The following ZNF66 variants were observed in gnomAD, a reference collection of about 807,000 sequenced individuals.
The protein encoded by ZNF66 is putative zinc finger protein 66.
A neutral mutation model predicts 35.2 loss-of-function variants in ZNF66; 32 were observed. The observed-to-expected ratio is 0.91, with a 90% CI of 0.69 to 1.22. The LOEUF (loss-of-function observed/expected upper bound fraction) is 1.22. Among genes scored for constraint, ZNF66 ranks in the 50% most tolerant of loss-of-function variants. ZNF66 has a pLI of 0.00. For missense variants in ZNF66, 666 were observed against 543.1 expected, an observed-to-expected ratio of 1.23 and a Z score of -2.25; for synonymous variants, 231 against 181.3, an observed-to-expected ratio of 1.27 and a Z score of -2.20.
chr19:20,777,484 A>T (rs981132605), intron 1 of ZNF66, among the ~76,000 whole-genome samples: 3 of 146,744 alleles, frequency 2.0e-5, no homozygotes, highest in Admixed American at 1.4e-4. Context: ...AGAAATAGAA[A>T]TCCGGGGACT....
chr19:20,781,524 T>C, intron 1 of ZNF66, among the ~76,000 whole-genome samples: 1 of 152,044 alleles, frequency 6.6e-6, no homozygotes, highest in African/African-American at 2.4e-5. Flanking sequence ...TTTTTTTTTT[T>C]TGGAGACGGA....
In ZNF66 at chr19:20,806,706, A is replaced by T. The variant is rs1041287608; in HGVS notation, c.1106A>T (p.Tyr369Phe). The T allele has an allele frequency of 7.6e-6, 11 of 1,453,294 alleles. No individual in the cohort carries two copies. The highest frequency in any genetic ancestry group is 9.7e-6 in the Non-Finnish European group (10 of 1,036,206). The allele number at this position is 1,453,294 out of a possible 1,614,324, so 90.0% of individuals were successfully genotyped here. A position where few individuals can be genotyped will look rare whatever the true frequency, so the allele number is the denominator to read the frequency against. Reference sequence around the variant, plus strand: ...ATAATCCATACTGGAGAGAAACCCTACAAATGTGAAGAATGTGGTGAAGCC... The same window carrying T: ...ATAATCCATACTGGAGAGAAACCCTTCAAATGTGAAGAATGTGGTGAAGCC... The part of the protein sequence containing the change: ...HKIIHTGEKP[Y>F]KCEECGEAFK... Residue 369 changes from tyrosine to phenylalanine, a missense_variant, in exon 4 of 4, where the codon TAC (tyrosine) becomes TTC (phenylalanine). Coordinates refer to ENST00000344519, the MANE Select transcript of ZNF66 (RefSeq NM_001355197.2).
Position 20,808,493 on chromosome 19 carries a change from T to C in ZNF66, c.*1171T>C, listed in dbSNP as rs652538. 0.093 allele frequency among the ~76,000 whole-genome samples: 14,101 copies of C among 151,828 alleles called. 670 individuals are homozygous for C. The highest frequency in any genetic ancestry group is 0.11 in the Middle Eastern group (33 of 292). On this transcript the variant is annotated 3_prime_UTR_variant, in exon 4 of 4. Coordinates refer to ENST00000344519, the MANE Select transcript of ZNF66 (RefSeq NM_001355197.2). ...TTCACACGGCTGGGTACTCCTCATA[T>C]AAAACTTCCAGAGGACCGATCAGGC... is the stretch of plus-strand genomic sequence containing the variant.
Position 20,808,004 on chromosome 19 carries a change from C to T in ZNF66, c.*682C>T, listed in dbSNP as rs1034271100. 6.6e-6 allele frequency among the ~76,000 whole-genome samples: 1 copy of T among 152,140 alleles called. No individual in the cohort carries two copies. The highest frequency in any genetic ancestry group is 1.5e-5 in the Non-Finnish European group (1 of 68,036). ...TGGCACCTGGAAAATTGGGTTACTCCCACCCTAATACTGCGCAATTCCAAT... is the reference window on the plus strand; with the variant it reads ...TGGCACCTGGAAAATTGGGTTACTCTCACCCTAATACTGCGCAATTCCAAT... On this transcript the variant is annotated 3_prime_UTR_variant, in exon 4 of 4. Transcript: ENST00000344519.
At chr19:20,788,016 A>G (rs1971303634) in intron 1 of ZNF66, among the ~76,000 whole-genome samples, 1 of 151,986 alleles carries the variant, frequency 6.6e-6, no homozygotes, top group South Asian at 2.1e-4. Context: ...TAGACTGACA[A>G]GAGTGGTTAA....
chr19:20,781,960 CAG>C (rs1322583953), intron 1 of ZNF66, among the ~76,000 whole-genome samples: 4 of 151,582 alleles, frequency 2.6e-5, no homozygotes, highest in African/African-American at 9.7e-5. Context: ...TAGTTGGAGA[CAG>C]AGTCTCACTT....
At chr19:20,792,799 G>A (rs557394418) in intron 2 of ZNF66, among the ~76,000 whole-genome samples, 161 bp downstream of exon 2, 1 of 152,222 alleles carries the variant, frequency 6.6e-6, no homozygotes, top group East Asian at 1.9e-4. Flanking sequence ...TTACTTTGGT[G>A]CCTCATGCCT....
At chr19:20,785,908 C>T (rs1460586260) in intron 1 of ZNF66, among the ~76,000 whole-genome samples, 3 of 151,866 alleles carry the variant, frequency 2.0e-5, no homozygotes, top group African/African-American at 7.3e-5. Flanking sequence ...ATTACAGGCA[C>T]CTGCCACTGT....
chr19:20,793,181 C>G (rs966872899), intron 2 of ZNF66, among the ~76,000 whole-genome samples: 2 of 151,952 alleles, frequency 1.3e-5, no homozygotes, highest in Admixed American at 1.3e-4. Flanking sequence ...AGTGGTAATT[C>G]CAGAAATTTA....
intron 1 of ZNF66, chr19:20,784,710 C>T (rs1404335367): frequency 6.6e-6 from 1 of 152,198 alleles, no homozygotes; most frequent in African/African-American, 2.4e-5. Flanking sequence ...ATTATTCTTT[C>T]TGAAAATCTG....
rs1359997740 is a variant in ZNF66 at position 20,806,320 on chromosome 19, C to G, written c.720C>G (p.Arg240=). ...KCEDCGKAFN[R]SSNLTTHKKI... ...AAGACTGTGGCAAAGCCTTTAACCG[C>G]TCCTCTAACCTTACTACACATAAGA... The change falls in exon 4 of 4, where the codon CGC becomes CGG. Residue 240 remains arginine, a synonymous_variant. Transcript: ENST00000344519. 9 of 1,521,644 alleles carry G rather than the reference C, an allele frequency of 5.9e-6. No individual in the cohort carries two copies. The highest frequency in any genetic ancestry group is 1.7e-5 in the Admixed American group (1 of 59,768). The allele number at this position is 1,521,644 out of a possible 1,614,324, so 94.3% of individuals were successfully genotyped here.
rs1164066495 is a variant in ZNF66, at chr19:20,806,336, A to G, written c.736A>G (p.Thr246Ala). ...KAFNRSSNLTTHKKIHTGEKP... is the reference protein window; with the variant it reads ...KAFNRSSNLTAHKKIHTGEKP... ...CTTTAACCGCTCCTCTAACCTTACT[A>G]CACATAAGAAAATTCATACTGGAGA... Residue 246 changes from threonine to alanine, a missense_variant, in exon 4 of 4, where the codon ACA becomes GCA. Physicochemically the swap from Thr to Ala is moderately conservative, Grantham distance 58. Coordinates refer to ENST00000344519, the MANE Select transcript of ZNF66 (RefSeq NM_001355197.2). 1.9e-6 allele frequency: 3 copies of G among 1,548,920 alleles called. No homozygotes were observed. The East Asian group carries it at 6.7e-5, about 35-fold the overall frequency.
intron 3 of ZNF66, 99 bp downstream of exon 3, chr19:20,793,977 C>T: frequency 1.6e-6 from 1 of 618,586 alleles, no homozygotes. Flanking sequence ...AAGCTGTGTT[C>T]CAAAGGAACT....
intron 3 of ZNF66, among the ~76,000 whole-genome samples, chr19:20,797,610 C>T (rs992983742): frequency 1.3e-5 from 2 of 151,012 alleles, no homozygotes; most frequent in Admixed American, 6.6e-5. Context: ...GTCACCCAGG[C>T]TGGAGTGCAT....
chr19:20,776,371 CA>C lies in ZNF66; in HGVS notation c.-76del. ...TCTCTGTCTTCTTCTCCTAGAGGCC[CA>C]GCCTCTGTGGCCCTGTGTCCTGCAG... On this transcript the variant is annotated 5_prime_UTR_variant, in exon 1 of 4. Coordinates refer to ENST00000344519, the MANE Select transcript of ZNF66 (RefSeq NM_001355197.2). 18 of 1,517,372 alleles carry C rather than the reference CA, an allele frequency of 1.2e-5. No individual in the cohort carries two copies. The highest frequency in any genetic ancestry group is 1.4e-5 in the Non-Finnish European group (15 of 1,094,354). The allele number at this position is 1,517,372 out of a possible 1,614,324, so 94.0% of individuals were successfully genotyped here.
chr19:20,789,434 A>C (rs1407556856), intron 1 of ZNF66, among the ~76,000 whole-genome samples: 3 of 152,222 alleles, frequency 2.0e-5, no homozygotes, highest in African/African-American at 4.8e-5. Context: ...AAAAACAGAT[A>C]AATGGGATAA....
At chr19:20,780,977 T>G (rs2144891017) in intron 1 of ZNF66, among the ~76,000 whole-genome samples, 1 of 152,254 alleles carries the variant, frequency 6.6e-6, no homozygotes, top group Middle Eastern at 3.4e-3. Context: ...ACCACAGCAT[T>G]TTTGACCCTA....
intron 1 of ZNF66, among the ~76,000 whole-genome samples, chr19:20,790,756 A>C (rs1211553384): frequency 1.7e-5 from 1 of 58,730 alleles, no homozygotes; most frequent in African/African-American, 4.5e-5. Flanking sequence ...CAGAAAGAGA[A>C]AAAAAAAGGG....
intron 3 of ZNF66, among the ~76,000 whole-genome samples, chr19:20,794,792 T>G (rs28501307): frequency 0.093 from 14,132 of 151,928 alleles, 669 homozygotes; most frequent in Middle Eastern, 0.11. Flanking sequence ...TTACTGAGTG[T>G]ATTTATTAGT....
Sources: allele counts gnomAD v4.1 joint callset (sites outside exome capture counted in the v4.1 genomes callset), GRCh38; gene constraint gnomAD v4.1.1; transcripts MANE v1.5; gene names NCBI Gene and HGNC (gene_info 2026-07-23, HGNC 2026-07-21).